Variants in ATP6V1C1 observed in about 807,000 individuals in gnomAD.
ATP6V1C1 encodes the protein ATPase H+ transporting V1 subunit C1.
Under a neutral mutation model 53.9 loss-of-function variants are expected in ATP6V1C1, and 45 were observed. That is an observed-to-expected ratio of 0.83 (90% CI 0.66 to 1.07). ATP6V1C1 has a LOEUF of 1.07. ATP6V1C1 is among the 50% of genes least tolerant of loss of function. The probability of loss-of-function intolerance (pLI) is 0.00; values close to 1 mark genes in which losing one functional copy is unlikely to be tolerated. For synonymous variants in ATP6V1C1, 153 were observed against 155.2 expected (o/e 0.99, Z 0.11); for missense variants, 315 against 440.3 (o/e 0.72, Z 2.55).
intron 1 of ATP6V1C1, among the ~76,000 whole-genome samples, chr8:103,038,861 A>G (rs1433342151): frequency 6.6e-6 from 1 of 152,200 alleles, no homozygotes; most frequent in African/African-American, 2.4e-5. Context: ...CATGGTGCTT[A>G]TGAGTAGCTT....
chr8:103,040,688 T>G, intron 1 of ATP6V1C1, 110 bp from the exon 2 acceptor site: 1 of 909,252 alleles, frequency 1.1e-6, no homozygotes, highest in Non-Finnish European at 1.6e-6. Flanking sequence ...TATGCCAACA[T>G]TAGATTAGTT....
chr8:103,034,163 T>TC (rs1816848847), intron 1 of ATP6V1C1, among the ~76,000 whole-genome samples: 1 of 152,130 alleles, frequency 6.6e-6, no homozygotes, highest in African/African-American at 2.4e-5. Flanking sequence ...AGAAAGGTGC[T>TC]ATACACACAC....
chr8:103,023,575 T>C (rs1816637765), intron 1 of ATP6V1C1, among the ~76,000 whole-genome samples: 1 of 152,214 alleles, frequency 6.6e-6, no homozygotes, highest in South Asian at 2.1e-4. Flanking sequence ...AAATTTGTTT[T>C]GGCTTTTCAA....
intron 1 of ATP6V1C1, among the ~76,000 whole-genome samples, chr8:103,039,461 A>G (rs557906589): frequency 1.3e-5 from 2 of 152,134 alleles, no homozygotes; most frequent in South Asian, 4.1e-4. Flanking sequence ...ACATTTATAA[A>G]CTCTTTTCAC....
chr8:103,039,640 T>TGA (rs1392871366), intron 1 of ATP6V1C1, among the ~76,000 whole-genome samples: 2 of 152,218 alleles, frequency 1.3e-5, no homozygotes, highest in Admixed American at 1.3e-4. Flanking sequence ...CATAATACTT[T>TGA]GATTTTTATC....
chr8:103,053,860 T>C, intron 6 of ATP6V1C1, 24 bp from the exon 7 acceptor site: 1 of 1,539,736 alleles, frequency 6.5e-7, no homozygotes, highest in South Asian at 1.1e-5. Flanking sequence ...ATTATCAGCC[T>C]AATGATTTGT....
At chr8:103,046,993 C>T (rs1361329195) in intron 3 of ATP6V1C1, among the ~76,000 whole-genome samples, 2 of 152,020 alleles carry the variant, frequency 1.3e-5, no homozygotes, top group African/African-American at 4.8e-5. Context: ...TTAGAATGTT[C>T]GTAGCAAATG....
chr8:103,062,180 T>G (rs1181054663), intron 8 of ATP6V1C1, among the ~76,000 whole-genome samples: 11 of 138,220 alleles, frequency 8.0e-5, no homozygotes, highest in African/African-American at 2.5e-4. Flanking sequence ...TTTTTTTTTT[T>G]TTTTTTTTTT....
intron 1 of ATP6V1C1, among the ~76,000 whole-genome samples, chr8:103,034,033 A>T (rs117701963): frequency 2.6e-5 from 4 of 152,312 alleles, no homozygotes; most frequent in Non-Finnish European, 4.4e-5. Flanking sequence ...TTGTAGTCAG[A>T]TGTGGATACT....
chr8:103,035,906 G>C (rs1008181051), intron 1 of ATP6V1C1, among the ~76,000 whole-genome samples: 4 of 152,126 alleles, frequency 2.6e-5, no homozygotes, highest in African/African-American at 9.7e-5. Flanking sequence ...AGGAATCGTT[G>C]TTCCTTCTAG....
At chr8:103,046,159 G>C (rs1817093470) in intron 3 of ATP6V1C1, among the ~76,000 whole-genome samples, 1 of 151,904 alleles carries the variant, frequency 6.6e-6, no homozygotes, top group African/African-American at 2.4e-5. Context: ...TCTTTAAATT[G>C]TTAATGGGAT....
chr8:103,070,233 T>C lies in ATP6V1C1; in HGVS notation c.*1486T>C, dbSNP rs2131408516. On this transcript the variant is annotated 3_prime_UTR_variant, in exon 13 of 13. Coordinates refer to ENST00000518738, the MANE Select transcript of ATP6V1C1 (RefSeq NM_001695.5). The stretch of plus-strand genomic sequence containing the variant: ...TGTTTAGCCGAGTGGATGGATAGTC[T>C]GCTTGTTTTTAGTTTTTGCTCTTAA... 6.6e-6 allele frequency: 1 copy of C among 152,376 alleles called. No individual in the cohort carries two copies. The highest frequency in any genetic ancestry group is 2.4e-5 in the African/African-American group (1 of 41,586). 9.4% of individuals were successfully genotyped at this position (152,376 alleles called of 1,614,324 possible).
intron 7 of ATP6V1C1, among the ~76,000 whole-genome samples, chr8:103,055,273 A>G (rs895957595): frequency 1.3e-5 from 2 of 152,138 alleles, no homozygotes; most frequent in East Asian, 3.8e-4. Context: ...GACATCTTAC[A>G]TGATGAATTA....
chr8:103,053,898 C>CTAGA lies in ATP6V1C1; in HGVS notation c.489_492dup (p.Ser165Ter). 2 of 1,611,088 alleles carry CTAGA rather than the reference C, an allele frequency of 1.2e-6. No individual in the cohort carries two copies. Among genetic ancestry groups the CTAGA allele is most frequent in the Non-Finnish European group, 1.7e-6 (2 of 1,178,258 alleles). Reference sequence around the variant, plus strand: ...TAATTCCTCAGAGGAAGTTTGCTAACTAGAAGTCTAGCAGAAATTGTGAAG... The same window carrying CTAGA: ...TAATTCCTCAGAGGAAGTTTGCTAACTAGATAGAAGTCTAGCAGAAATTGTGAAG... On this transcript the variant is annotated frameshift_variant, in exon 7 of 13. Coordinates refer to ENST00000518738, the MANE Select transcript of ATP6V1C1 (RefSeq NM_001695.5). LOFTEE classifies it high-confidence loss of function.
At chr8:103,048,280 C>T (rs1247040511) in intron 3 of ATP6V1C1, among the ~76,000 whole-genome samples, 1 of 152,120 alleles carries the variant, frequency 6.6e-6, no homozygotes, top group Non-Finnish European at 1.5e-5. Flanking sequence ...AAGTAATGGC[C>T]AGAACCACAG....
intron 1 of ATP6V1C1, among the ~76,000 whole-genome samples, chr8:103,034,347 C>T (rs763069037): frequency 1.1e-4 from 16 of 152,012 alleles, no homozygotes; most frequent in African/African-American, 2.4e-4. Context: ...GAAATAATTA[C>T]GAGTAAAAAC....
At chr8:103,031,697 G>A (rs762211452) in intron 1 of ATP6V1C1, among the ~76,000 whole-genome samples, 1 of 152,126 alleles carries the variant, frequency 6.6e-6, no homozygotes, top group East Asian at 1.9e-4. Context: ...TGAGATCTGG[G>A]GAGGACAGAC....
Position 103,063,078 on chromosome 8 carries a change from T to G in ATP6V1C1, c.734+31T>G, listed in dbSNP as rs139760004. On this transcript the variant is annotated intron_variant, in intron 9 of 12. Coordinates refer to ENST00000518738, the MANE Select transcript of ATP6V1C1 (RefSeq NM_001695.5). ...ATTATTGTTTTTTTGTTTATTTACTTTGTTAGATCAGCTGTATACAATGTG... is the reference window on the plus strand; with the variant it reads ...ATTATTGTTTTTTTGTTTATTTACTGTGTTAGATCAGCTGTATACAATGTG... 6,856 of 1,612,262 alleles carry G rather than the reference T, an allele frequency of 4.3e-3. 24 individuals carry two copies. The highest frequency in any genetic ancestry group is 9.1e-3 in the Middle Eastern group (55 of 6,032).
intron 11 of ATP6V1C1, among the ~76,000 whole-genome samples, chr8:103,065,811 A>G (rs372830829): frequency 6.6e-6 from 1 of 152,156 alleles, no homozygotes; most frequent in East Asian, 1.9e-4. Context: ...TGGGAGGCCA[A>G]GGCGGGCAGA....
Sources: allele counts gnomAD v4.1 joint callset (sites outside exome capture counted in the v4.1 genomes callset), GRCh38; gene constraint gnomAD v4.1.1; transcripts MANE v1.5; gene names NCBI Gene and HGNC (gene_info 2026-07-23, HGNC 2026-07-21).